EHBP1L1: variants seen among roughly 807,000 people sequenced by gnomAD.
The protein encoded by EHBP1L1 is EH domain-binding protein 1-like protein 1.
A neutral mutation model predicts 151.1 loss-of-function variants in EHBP1L1; 122 were observed. That is an observed-to-expected ratio of 0.81 (90% confidence interval 0.70 to 0.94). EHBP1L1 has a LOEUF of 0.94. EHBP1L1 is among the 40% of genes least tolerant of loss of function. EHBP1L1 has a pLI of 0.00. For synonymous variants in EHBP1L1, 878 were observed against 810.1 expected (o/e 1.08, Z -1.42); for missense variants, 1,941 against 1,959.8 (o/e 0.99, Z 0.18).
Position 65,590,081 on chromosome 11 carries a change from C to T in EHBP1L1, c.4060-6C>T. The stretch of plus-strand genomic sequence containing the variant: ...CCACCCTGTTCTCTGCCTTTTCCAC[C>T]CCCAGCAACGGTTCCAGGACACAAG... On this transcript the variant is annotated splice_region_variant and splice_polypyrimidine_tract_variant and intron_variant, in intron 14 of 18. Coordinates refer to ENST00000309295, the MANE Select transcript of EHBP1L1 (RefSeq NM_001099409.3). The T allele has an allele frequency of 6.2e-7, 1 of 1,613,800 alleles. No homozygotes were observed. The highest frequency in any genetic ancestry group is 8.5e-7 in the Non-Finnish European group (1 of 1,179,792).
intron 1 of EHBP1L1, among the ~76,000 whole-genome samples, chr11:65,576,708 C>T (rs889692229): frequency 5.3e-5 from 8 of 152,154 alleles, no homozygotes; most frequent in African/African-American, 1.9e-4. Flanking sequence ...GGCCGCATGT[C>T]TTGTGCCAGA....
chr11:65,576,156 G>T lies in EHBP1L1; in HGVS notation c.-147G>T. The T allele has an allele frequency of 1.9e-6, 1 of 537,114 alleles. No individual in the cohort carries two copies. Among genetic ancestry groups the T allele is most frequent in the South Asian group, 6.7e-5 (1 of 14,826 alleles). The allele number at this position is 537,114 out of a possible 1,614,324, so 33.3% of individuals were successfully genotyped here. A position where few individuals can be genotyped will look rare whatever the true frequency, so the allele number is the denominator to read the frequency against. On this transcript the variant is annotated 5_prime_UTR_variant, in exon 1 of 19. Coordinates refer to ENST00000309295, the MANE Select transcript of EHBP1L1 (RefSeq NM_001099409.3). ...TGCGGGCCCCAGCGGCGGCAGCGGA[G>T]AGCGCGGTCCCGGGTCGGAGCCTGG...
chr11:65,583,112 G>A lies in EHBP1L1; in HGVS notation c.2440G>A (p.Ala814Thr), dbSNP rs546679078. The part of the protein sequence containing the change: ...SEVPEIATGT[A>T]ETEILGTQEI... ...GGTTCCAGAGATAGCGACTGGGACA[G>A]CAGAAACTGAGATATTGGGGACCCA... is the stretch of plus-strand genomic sequence containing the variant. The change falls in exon 9 of 19, where the codon GCA (alanine) becomes ACA (threonine). Residue 814 changes from alanine (A) to threonine (T), a missense_variant. Physicochemically the swap from Ala to Thr is moderately conservative, Grantham distance 58. Coordinates refer to ENST00000309295, the MANE Select transcript of EHBP1L1 (RefSeq NM_001099409.3). 1 of 1,613,416 alleles carries A rather than the reference G, an allele frequency of 6.2e-7. No homozygotes were observed. The highest frequency in any genetic ancestry group is 8.5e-7 in the Non-Finnish European group (1 of 1,179,784).
At position 65,592,376 on chromosome 11, in the gene EHBP1L1, C is replaced by T; in HGVS notation, c.*74C>T. The T allele has an allele frequency of 1.8e-6, 2 of 1,136,120 alleles. No homozygotes were observed. The highest frequency in any genetic ancestry group is 2.2e-6 in the Non-Finnish European group (2 of 915,700). The allele number at this position is 1,136,120 out of a possible 1,614,324, so 70.4% of individuals were successfully genotyped here. On this transcript the variant is annotated 3_prime_UTR_variant, in exon 19 of 19. Coordinates refer to ENST00000309295, the MANE Select transcript of EHBP1L1 (RefSeq NM_001099409.3). ...CGCCGCCCCGGGCCTGCGCTGCGGACGACCCGGCCGTCCCGGAGGCCGCGC... is the reference window on the plus strand; with the variant it reads ...CGCCGCCCCGGGCCTGCGCTGCGGATGACCCGGCCGTCCCGGAGGCCGCGC...
chr11:65,580,828 C>T, intron 6 of EHBP1L1: 2 of 1,147,598 alleles, frequency 1.7e-6, no homozygotes, highest in Non-Finnish European at 2.3e-6. Context: ...GCTGGGGCTT[C>T]CTCATTCCTC....
Position 65,581,959 on chromosome 11 carries a change from G to A in EHBP1L1, c.1287G>A (p.Arg429=), listed in dbSNP as rs765309971. The part of the protein sequence containing the change: ...SAVCQVDAEQ[R]SKVRHVDTKG... ...TTTGTCAAGTGGATGCTGAGCAGAG[G>A]TCAAAGGTGAGACATGTGGACACTA... is the stretch of plus-strand genomic sequence containing the variant. The change falls in exon 9 of 19, where the codon AGG becomes AGA. Residue 429 remains arginine (R), a synonymous_variant. Transcript: ENST00000309295. The A allele has an allele frequency of 1.2e-6, 2 of 1,613,848 alleles. No homozygotes were observed. The highest frequency in any genetic ancestry group is 8.5e-7 in the Non-Finnish European group (1 of 1,179,858).
Position 65,576,072 on chromosome 11 carries a change from G to C in EHBP1L1, c.-231G>C, listed in dbSNP as rs1590807071. On this transcript the variant is annotated 5_prime_UTR_variant, in exon 1 of 19. Coordinates refer to ENST00000309295, the MANE Select transcript of EHBP1L1 (RefSeq NM_001099409.3). ...GGCTCCAGGAAACGGCGCGCTCCCA[G>C]CTCCGCGCTCGCCACCCGACGCGCC... is the stretch of plus-strand genomic sequence containing the variant. 2 of 303,186 alleles carry C rather than the reference G, an allele frequency of 6.6e-6. No individual in the cohort carries two copies. Among genetic ancestry groups the C allele is most frequent in the East Asian group, 1.1e-4 (2 of 18,774 alleles). The allele number at this position is 303,186 out of a possible 1,614,324, so 18.8% of individuals were successfully genotyped here.
intron 13 of EHBP1L1, 43 bp downstream of exon 13, chr11:65,589,863 CA>C: frequency 1.9e-6 from 3 of 1,545,398 alleles, no homozygotes; most frequent in Non-Finnish European, 2.6e-6. Flanking sequence ...AGGCTGCTCA[CA>C]AAGCCTGGAC....
At position 65,585,100 on chromosome 11, in the gene EHBP1L1, C is replaced by G. The variant is rs1353556069; in HGVS notation, c.3442C>G (p.Leu1148Val). 2.0e-6 allele frequency: 3 copies of G among 1,525,022 alleles called. No homozygotes were observed. Among genetic ancestry groups the G allele is most frequent in the Non-Finnish European group, 2.6e-6 (3 of 1,144,970 alleles). 94.5% of individuals were successfully genotyped at this position (1,525,022 alleles called of 1,614,324 possible). Residue 1148 changes from leucine to valine, a missense_variant, in exon 12 of 19, where the codon CTG (leucine) becomes GTG (valine). Transcript: ENST00000309295. This position sits in a 1 kb window ranked among gnomAD's most constrained non-coding sequence, Gnocchi z 4.0. ...RAFCTGQELQ[L>V]VQLEGGGGAG... ...CTTCTGCACCGGGCAGGAGCTGCAG[C>G]TGGTACAACTGGAGGGCGGCGGCGG... is the stretch of plus-strand genomic sequence containing the variant.
intron 4 of EHBP1L1, 29 bp from the exon 5 acceptor site, chr11:65,580,052 C>A (rs750496975): frequency 9.3e-6 from 15 of 1,613,000 alleles, no homozygotes; most frequent in Non-Finnish European, 1.3e-5. Flanking sequence ...ACTGATGCCC[C>A]TTCTCCTGGT....
rs367902486 is a variant in EHBP1L1 at position 65,583,002 on chromosome 11, A to T, written c.2330A>T (p.Gln777Leu). 3.2e-5 allele frequency: 51 copies of T among 1,613,014 alleles called. No homozygotes were observed. The highest frequency in any genetic ancestry group is 4.3e-5 in the Non-Finnish European group (51 of 1,179,576). The stretch of plus-strand genomic sequence containing the variant: ...GCAGAAGGTGCGATATTGGGGACCC[A>T]AGAGATAGCATCTAGGGATTCAGGG... ...GAAEGAILGTQEIASRDSGVP... is the reference protein window; with the variant it reads ...GAAEGAILGTLEIASRDSGVP... The change falls in exon 9 of 19, where the codon CAA becomes CTA. Residue 777 changes from glutamine (Q) to leucine (L), a missense_variant. Transcript: ENST00000309295.
chr11:65,584,245 C>G lies in EHBP1L1; in HGVS notation c.3098C>G (p.Pro1033Arg). The change falls in exon 10 of 19, where the codon CCA (proline) becomes CGA (arginine). Residue 1033 changes from proline (P) to arginine (R), a missense_variant. Transcript: ENST00000309295. Reference sequence around the variant, plus strand: ...AGCCCACCCCTGTGTCCTCAGGCACCACCTGCCCTGGTCAGCTCCAGCCAG... The same window carrying G: ...AGCCCACCCCTGTGTCCTCAGGCACGACCTGCCCTGGTCAGCTCCAGCCAG... ...EDRRLPGSQA[P>R]PALVSSSQSL... 1.9e-6 allele frequency: 3 copies of G among 1,608,874 alleles called. No homozygotes were observed. In the South Asian group the frequency reaches 3.3e-5, roughly 18 times the overall value.
rs753329999 is a variant in EHBP1L1, at chr11:65,583,237, G to A, written c.2565G>A (p.Glu855=). ...GGGGTTCAGGGATCTCAGGGCCCGA[G>A]GCTGGAATGGCAGAGGCCCGAGTAC... ...EVGGSGISGP[E]AGMAEARVLM... Residue 855 remains glutamate (E), a synonymous_variant, in exon 9 of 19, where the codon GAG becomes GAA. Transcript: ENST00000309295. 1.2e-6 allele frequency: 2 copies of A among 1,613,420 alleles called. No homozygotes were observed. The highest frequency in any genetic ancestry group is 1.7e-5 in the Admixed American group (1 of 60,000).
intron 12 of EHBP1L1, among the ~76,000 whole-genome samples, chr11:65,588,757 A>G (rs1313225511): frequency 1.2e-4 from 18 of 152,188 alleles, no homozygotes; most frequent in Admixed American, 1.2e-3. Flanking sequence ...GGGCAGGTAC[A>G]TGGGGTCAGC....
intron 3 of EHBP1L1, among the ~76,000 whole-genome samples, 184 bp downstream of exon 3, chr11:65,579,620 A>G (rs928989221): frequency 2.6e-5 from 4 of 151,862 alleles, no homozygotes; most frequent in Non-Finnish European, 4.4e-5. Flanking sequence ...GGCAGCATTT[A>G]CCCAACACAT....
In EHBP1L1 at chr11:65,585,713, A is replaced by C. The variant is rs1378326689; in HGVS notation, c.3933+122A>C. 2.1e-6 allele frequency: 3 copies of C among 1,447,862 alleles called. No individual in the cohort carries two copies. The highest frequency in any genetic ancestry group is 2.8e-6 in the Non-Finnish European group (3 of 1,087,396). 89.7% of individuals were successfully genotyped at this position (1,447,862 alleles called of 1,614,324 possible). ...GAGCTGGCGCGAGGGTGACGGTTTC[A>C]GAGTGGCGGGGCTCGGCTGGACCCA... is the stretch of plus-strand genomic sequence containing the variant. On this transcript the variant is annotated intron_variant, in intron 12 of 18. Coordinates refer to ENST00000309295, the MANE Select transcript of EHBP1L1 (RefSeq NM_001099409.3). This position sits in a 1 kb window ranked among gnomAD's most constrained non-coding sequence, Gnocchi z 4.0.
rs1857736044 is a variant in EHBP1L1, at chr11:65,583,244, A to G, written c.2572A>G (p.Met858Val). 1.2e-6 allele frequency: 2 copies of G among 1,613,450 alleles called. No homozygotes were observed. Among genetic ancestry groups the G allele is most frequent in the Non-Finnish European group, 1.7e-6 (2 of 1,179,804 alleles). ...GSGISGPEAG[M>V]AEARVLMTRK... ...AGGGATCTCAGGGCCCGAGGCTGGA[A>G]TGGCAGAGGCCCGAGTACTGATGAC... The change falls in exon 9 of 19, where the codon ATG becomes GTG. Residue 858 changes from methionine to valine, a missense_variant. Coordinates refer to ENST00000309295, the MANE Select transcript of EHBP1L1 (RefSeq NM_001099409.3).
chr11:65,583,133 A>G lies in EHBP1L1; in HGVS notation c.2461A>G (p.Thr821Ala). Residue 821 changes from threonine (T) to alanine (A), a missense_variant, in exon 9 of 19, where the codon ACC (threonine) becomes GCC (alanine). Coordinates refer to ENST00000309295, the MANE Select transcript of EHBP1L1 (RefSeq NM_001099409.3). ...GACAGCAGAAACTGAGATATTGGGGACCCAAGAGATAGCATCTAGGAGTTC... is the reference window on the plus strand; with the variant it reads ...GACAGCAGAAACTGAGATATTGGGGGCCCAAGAGATAGCATCTAGGAGTTC... ...TGTAETEILGTQEIASRSSGV... is the reference protein window; with the variant it reads ...TGTAETEILGAQEIASRSSGV... 1 of 1,613,284 alleles carries G rather than the reference A, an allele frequency of 6.2e-7. No homozygotes were observed. The highest frequency in any genetic ancestry group is 8.5e-7 in the Non-Finnish European group (1 of 1,179,766).
rs1191903775 is a variant in EHBP1L1 at position 65,590,594 on chromosome 11, T to C, written c.4283+2T>C. On this transcript the variant is annotated splice_donor_variant, in intron 16 of 18. Transcript: ENST00000309295. LOFTEE classifies it high-confidence loss of function. ...GAGGCAGGACCAGCTGCAGCTGCTG[T>C]GAGTGCTGGCCCCGGGCCAGGAGAG... 2 of 1,613,082 alleles carry C rather than the reference T, an allele frequency of 1.2e-6. No homozygotes were observed. The highest frequency in any genetic ancestry group is 1.1e-5 in the South Asian group (1 of 91,026).
Sources: allele counts gnomAD v4.1 joint callset (sites outside exome capture counted in the v4.1 genomes callset), GRCh38; gene constraint gnomAD v4.1.1; non-coding constraint Gnocchi (gnomAD v3.1); transcripts MANE v1.5; gene names NCBI Gene and HGNC (gene_info 2026-07-23, HGNC 2026-07-21).